CDH13: variants seen among roughly 807,000 people sequenced by gnomAD.
CDH13 encodes the protein cadherin-13.
Under a neutral mutation model 63.8 loss-of-function variants are expected in CDH13, and 24 were observed. The ratio of observed to expected loss-of-function variants is 0.38; its 90% CI spans 0.27 to 0.53. The LOEUF is 0.53. Among genes scored for constraint, CDH13 ranks in the 20% least tolerant of loss-of-function variants. The pLI is 0.85. For missense variants in CDH13, 1,049 were observed against 903.1 expected, an observed-to-expected ratio of 1.16 and a Z score of -2.07; for synonymous variants, 503 against 355.3, an observed-to-expected ratio of 1.42 and a Z score of -4.67.
intron 5 of CDH13, among the ~76,000 whole-genome samples, chr16:83,257,258 C>T (rs555150293): frequency 9.9e-5 from 15 of 152,058 alleles, no homozygotes; most frequent in African/African-American, 1.4e-4. Flanking sequence ...GAGAAAGCGA[C>T]GGTGAGCTTG....
At chr16:83,456,146 C>T (rs929910577) in intron 6 of CDH13, among the ~76,000 whole-genome samples, 5 of 152,224 alleles carry the variant, frequency 3.3e-5, no homozygotes, top group Non-Finnish European at 7.3e-5. Flanking sequence ...CACCTGTGTG[C>T]CAGGCACCAC....
chr16:83,615,071 T>C (rs9938720), intron 8 of CDH13, among the ~76,000 whole-genome samples: 70,109 of 151,886 alleles, frequency 0.46, 17,418 homozygotes, highest in African/African-American at 0.65. Flanking sequence ...GTTTGGTGAC[T>C]CCAGCTATGA....
At chr16:83,124,017 C>G (rs2151642136) in intron 3 of CDH13, among the ~76,000 whole-genome samples, 1 of 152,142 alleles carries the variant, frequency 6.6e-6, no homozygotes, top group East Asian at 1.9e-4. Flanking sequence ...TGAAGAATGT[C>G]TGTTCATGTT....
chr16:82,672,999 C>CTTTTTTTTTTTT lies in CDH13; in HGVS notation c.45+45871_45+45882dup, dbSNP rs562942948. Among the ~76,000 whole-genome samples, 792 of 81,242 alleles carry CTTTTTTTTTTTT rather than the reference C, an allele frequency of 9.7e-3. 73 individuals carry two copies. Among genetic ancestry groups the CTTTTTTTTTTTT allele is most frequent in the Non-Finnish European group, 0.013 (612 of 46,846 alleles). 53.3% of individuals were successfully genotyped at this position (81,242 alleles called of 152,430 possible). ...GTATGGCTAATTTTTATAAAGTTTT[C>CTTTTTTTTTTTT]TTTTTTTTTTTTTTTTTTTTGTAGA... On this transcript the variant is annotated intron_variant, in intron 1 of 13. Transcript: ENST00000567109.
intron 1 of CDH13, among the ~76,000 whole-genome samples, chr16:82,730,136 T>C (rs1004238716): frequency 1.3e-5 from 2 of 152,184 alleles, no homozygotes; most frequent in Admixed American, 6.5e-5. Flanking sequence ...TTTTATATCA[T>C]TTGAGTTTTC....
chr16:83,058,143 T>A (rs1416032592), intron 3 of CDH13, among the ~76,000 whole-genome samples: 2 of 152,194 alleles, frequency 1.3e-5, no homozygotes, highest in African/African-American at 4.8e-5. Flanking sequence ...AGTTAGTTTG[T>A]TGAACTTCAT....
intron 1 of CDH13, among the ~76,000 whole-genome samples, chr16:82,674,027 G>A (rs188421438): frequency 6.6e-6 from 1 of 152,324 alleles, no homozygotes; most frequent in East Asian, 1.9e-4. Flanking sequence ...GCTCGAAGAA[G>A]GGGAACAGAG....
chr16:82,859,352 G>A (rs2039835762), intron 2 of CDH13: 2 of 152,392 alleles, frequency 1.3e-5, no homozygotes, highest in South Asian at 4.1e-4. Flanking sequence ...GAGGCCAGAA[G>A]TTCAAGACCA....
chr16:83,726,382 C>G (rs62047461), intron 10 of CDH13: 1 of 151,752 alleles, frequency 6.6e-6, no homozygotes, highest in African/African-American at 2.4e-5. Flanking sequence ...TTCATTCATT[C>G]ATTTATTTAT....
chr16:82,799,948 C>A (rs562888774), intron 1 of CDH13, among the ~76,000 whole-genome samples: 1 of 152,214 alleles, frequency 6.6e-6, no homozygotes, highest in South Asian at 2.1e-4. Flanking sequence ...GGAACCACTG[C>A]GTTATCATGA....
chr16:83,435,032 C>T (rs1388243639), intron 6 of CDH13, among the ~76,000 whole-genome samples: 1 of 103,488 alleles, frequency 9.7e-6, no homozygotes, highest in Non-Finnish European at 2.0e-5. Context: ...TATGAAGGAA[C>T]ATAGGGTTTG....
intron 10 of CDH13, among the ~76,000 whole-genome samples, chr16:83,706,192 T>A (rs1015189057): frequency 6.6e-6 from 1 of 152,230 alleles, no homozygotes; most frequent in African/African-American, 2.4e-5. Context: ...CATCTACTTG[T>A]GGCCTCTCCA....
chr16:83,304,208 T>C (rs912491144), intron 5 of CDH13, among the ~76,000 whole-genome samples: 3 of 152,066 alleles, frequency 2.0e-5, no homozygotes, highest in Non-Finnish European at 4.4e-5. Context: ...GTGGGTTTTA[T>C]CCCACAGAAA....
At chr16:82,962,369 C>T (rs1907149630) in intron 2 of CDH13, among the ~76,000 whole-genome samples, 1 of 152,218 alleles carries the variant, frequency 6.6e-6, no homozygotes. Flanking sequence ...GCCCTGCTGA[C>T]ACCTTGATTT....
intron 6 of CDH13, among the ~76,000 whole-genome samples, chr16:83,439,396 G>A (rs2072418950): frequency 6.6e-6 from 1 of 152,194 alleles, no homozygotes; most frequent in Non-Finnish European, 1.5e-5. Flanking sequence ...GGGAACTATG[G>A]GATGTCTTAG....
intron 1 of CDH13, among the ~76,000 whole-genome samples, chr16:82,679,464 G>C (rs1914305023): frequency 6.6e-6 from 1 of 152,184 alleles, no homozygotes; most frequent in African/African-American, 2.4e-5. Flanking sequence ...GAGCATGGAA[G>C]GCTTAAACAT....
intron 1 of CDH13, among the ~76,000 whole-genome samples, chr16:82,840,843 C>T (rs2038981074): frequency 6.6e-6 from 1 of 152,126 alleles, no homozygotes; most frequent in South Asian, 2.1e-4. Flanking sequence ...GACTTCTCTG[C>T]AGCTGTTCAA....
intron 1 of CDH13, among the ~76,000 whole-genome samples, chr16:82,716,008 C>T (rs1017608953): frequency 2.0e-5 from 3 of 152,216 alleles, no homozygotes; most frequent in African/African-American, 7.2e-5. Context: ...AGCTTCCCTG[C>T]AGTCTGCTGG....
intron 2 of CDH13, chr16:82,990,328 C>G (rs1402360018): frequency 6.6e-6 from 1 of 152,184 alleles, no homozygotes; most frequent in Non-Finnish European, 1.5e-5. Flanking sequence ...TGGAATGACT[C>G]AGGAGTGAGG....
Sources: allele counts gnomAD v4.1 joint callset (sites outside exome capture counted in the v4.1 genomes callset), GRCh38; gene constraint gnomAD v4.1.1; transcripts MANE v1.5; gene names NCBI Gene and HGNC (gene_info 2026-07-23, HGNC 2026-07-21).